The following CA10 variants were observed in gnomAD, a reference collection of about 807,000 sequenced individuals.
CA10 encodes carbonic anhydrase-related protein 10.
In CA10, 14 loss-of-function variants were observed where a neutral mutation model predicts 44.2. That is an observed-to-expected ratio of 0.32 (90% CI 0.21 to 0.50). The LOEUF is 0.50. Ranked by LOEUF, CA10 falls within the 20% of genes least tolerant of loss-of-function variation. The pLI, the probability that CA10 is intolerant of heterozygous loss-of-function variation, is 0.99. For missense variants in CA10, 350 were observed against 409.7 expected (o/e 0.85, Z 1.26); for synonymous variants, 159 against 141.6 (o/e 1.12, Z -0.87).
At chr17:51,968,981 G>A (rs971813491) in intron 2 of CA10, among the ~76,000 whole-genome samples, 20 of 151,768 alleles carry the variant, frequency 1.3e-4, no homozygotes, top group Non-Finnish European at 2.4e-4. Context: ...AGCTGCCTTC[G>A]TCTAATAGAC....
At chr17:52,056,307 G>T (rs1382815512) in intron 2 of CA10, among the ~76,000 whole-genome samples, 1 of 152,024 alleles carries the variant, frequency 6.6e-6, no homozygotes, top group Non-Finnish European at 1.5e-5. Context: ...CAGCTTGCAG[G>T]GCAATTTGGA....
intron 3 of CA10, among the ~76,000 whole-genome samples, chr17:51,803,392 T>C (rs186150505): frequency 6.6e-6 from 1 of 152,222 alleles, no homozygotes; most frequent in African/African-American, 2.4e-5. Flanking sequence ...ATTCCTACAT[T>C]CCAGGCCTCA....
chr17:51,677,885 ACCCC>A (rs201803270), intron 4 of CA10, among the ~76,000 whole-genome samples: 72,240 of 137,988 alleles, frequency 0.52, 18,910 homozygotes, highest in East Asian at 0.69. Flanking sequence ...CTAGGTATAC[ACCCC>A]CCCCCCCACC....
intron 2 of CA10, among the ~76,000 whole-genome samples, chr17:52,052,224 C>G (rs1428750168): frequency 6.6e-6 from 1 of 151,110 alleles, no homozygotes; most frequent in Admixed American, 6.6e-5. Flanking sequence ...GAACAACAAC[C>G]CCCCATGACA....
At chr17:52,092,139 C>G (rs9900845) in intron 1 of CA10, among the ~76,000 whole-genome samples, 1 of 151,902 alleles carries the variant, frequency 6.6e-6, no homozygotes, top group Non-Finnish European at 1.5e-5. Flanking sequence ...TCTCCCTCTT[C>G]GTGTGCATTT....
chr17:51,728,956 C>T (rs541509608), intron 4 of CA10, among the ~76,000 whole-genome samples: 9 of 152,128 alleles, frequency 5.9e-5, no homozygotes, highest in African/African-American at 1.9e-4. Flanking sequence ...AGCTGATATC[C>T]AAATAATAAG....
rs925411073 is a variant in CA10 at position 52,033,072 on chromosome 17, G to T, written c.136+39247C>A. ...AACTACAACATGGATTTGGAGGAAG[G>T]TGGGCCACCAGAGGTTTCAGAGAAA... On this transcript the variant is annotated intron_variant, in intron 2 of 8. Transcript: ENST00000451037. Among the ~76,000 whole-genome samples the T allele has an allele frequency of 3.9e-5, 6 of 152,164 alleles. 1 individual carries two copies. Among genetic ancestry groups the T allele is most frequent in the Non-Finnish European group, 5.9e-5 (4 of 68,036 alleles).
At chr17:51,873,983 T>C (rs905408348) in intron 3 of CA10, among the ~76,000 whole-genome samples, 1 of 152,226 alleles carries the variant, frequency 6.6e-6, no homozygotes, top group African/African-American at 2.4e-5. Context: ...GCTTCTATTG[T>C]GTGTTCTTAA....
intron 3 of CA10, among the ~76,000 whole-genome samples, chr17:51,903,200 G>A (rs1423430027): frequency 2.0e-5 from 3 of 152,108 alleles, no homozygotes; most frequent in African/African-American, 7.2e-5. Flanking sequence ...TCTAGGGTGA[G>A]TTTCTTCTGA....
At chr17:51,862,249 T>A (rs1209083750) in intron 3 of CA10, among the ~76,000 whole-genome samples, 1 of 152,188 alleles carries the variant, frequency 6.6e-6, no homozygotes, top group Admixed American at 6.5e-5. Context: ...CTAGTATTAG[T>A]GAAGCTTAAG....
intron 3 of CA10, among the ~76,000 whole-genome samples, chr17:51,887,937 A>G (rs1451346686): frequency 6.6e-6 from 1 of 152,076 alleles, no homozygotes; most frequent in Admixed American, 6.6e-5. Context: ...GAGGCAAAGA[A>G]TTGCTTGAAC....
chr17:52,125,883 G>T (rs1021265600), intron 1 of CA10, among the ~76,000 whole-genome samples: 1 of 152,028 alleles, frequency 6.6e-6, no homozygotes, highest in Non-Finnish European at 1.5e-5. Context: ...TGACTGATGT[G>T]GTGGAAAGAA....
chr17:51,983,834 C>T (rs1984736333), intron 2 of CA10, among the ~76,000 whole-genome samples: 2 of 151,692 alleles, frequency 1.3e-5, no homozygotes, highest in South Asian at 4.2e-4. Flanking sequence ...AAATCCTATG[C>T]CAACAAATCA....
intron 2 of CA10, among the ~76,000 whole-genome samples, chr17:51,987,737 A>G (rs1407005408): frequency 5.3e-5 from 8 of 152,058 alleles, no homozygotes; most frequent in Admixed American, 5.3e-4. Flanking sequence ...ACAACTCAAA[A>G]TAGATAAACT....
intron 3 of CA10, among the ~76,000 whole-genome samples, chr17:51,856,108 C>T (rs1979029371): frequency 6.6e-6 from 1 of 152,176 alleles, no homozygotes. Flanking sequence ...TCTAATGTTT[C>T]TAGCATTCCC....
chr17:52,086,411 G>A (rs989613115), intron 1 of CA10, among the ~76,000 whole-genome samples: 1 of 152,210 alleles, frequency 6.6e-6, no homozygotes, highest in Non-Finnish European at 1.5e-5. Context: ...ATGCTGTGTA[G>A]GTCAAGCCAG....
chr17:52,001,793 C>T (rs1985435156), intron 2 of CA10, among the ~76,000 whole-genome samples: 1 of 151,916 alleles, frequency 6.6e-6, no homozygotes, highest in Non-Finnish European at 1.5e-5. Flanking sequence ...AAGTTTCTAC[C>T]ATTCACATCT....
At chr17:52,115,925 C>G (rs999502155) in intron 1 of CA10, among the ~76,000 whole-genome samples, 3 of 152,192 alleles carry the variant, frequency 2.0e-5, no homozygotes, top group Admixed American at 6.5e-5. Flanking sequence ...AACTCTGTCT[C>G]TACTAAAAAT....
intron 2 of CA10, among the ~76,000 whole-genome samples, chr17:52,010,587 C>T (rs1365805283): frequency 6.6e-6 from 1 of 151,668 alleles, no homozygotes; most frequent in Non-Finnish European, 1.5e-5. Context: ...GACACAAAGG[C>T]ATAGAAGATA....
Sources: allele counts gnomAD v4.1 joint callset (sites outside exome capture counted in the v4.1 genomes callset), GRCh38; gene constraint gnomAD v4.1.1; transcripts MANE v1.5; gene names NCBI Gene and HGNC (gene_info 2026-07-23, HGNC 2026-07-21).